Variants in MOV10L1 observed in about 807,000 individuals in gnomAD.
MOV10L1 encodes the protein RNA helicase Mov10l1.
A neutral mutation model predicts 143.8 loss-of-function variants in MOV10L1; 110 were observed. The observed-to-expected ratio is 0.76, with a 90% confidence interval of 0.66 to 0.90. MOV10L1 has a LOEUF of 0.90. Among genes scored for constraint, MOV10L1 ranks in the 40% least tolerant of loss-of-function variants. MOV10L1 has a pLI of 0.00. For missense variants in MOV10L1, 1,406 were observed against 1,526.8 expected, an observed-to-expected ratio of 0.92 and a Z score of 1.32; for synonymous variants, 593 against 581.1, an observed-to-expected ratio of 1.02 and a Z score of -0.29.
intron 19 of MOV10L1, among the ~76,000 whole-genome samples, chr22:50,148,457 C>T (rs577934762): frequency 7.9e-5 from 12 of 152,260 alleles, no homozygotes; most frequent in Non-Finnish European, 1.6e-4. Context: ...CCTGACGACT[C>T]CTTCCCGCAA....
rs397867977 is a variant in MOV10L1 at position 50,116,660 on chromosome 22, C to CTTT, written c.1260-476_1260-474dup. Among the ~76,000 whole-genome samples, 299 of 104,084 alleles carry CTTT rather than the reference C, an allele frequency of 2.9e-3. 9 individuals carry two copies. Among genetic ancestry groups the CTTT allele is most frequent in the Middle Eastern group, 6.9e-3 (1 of 144 alleles). The allele number at this position is 104,084 out of a possible 152,430, so 68.3% of individuals were successfully genotyped here. ...CAAAAAAGACTATTGTAGATGCTTA[C>CTTT]TTTTTTTTTTTTTTTTTTTTTTTGA... On this transcript the variant is annotated intron_variant, in intron 8 of 26. Coordinates refer to ENST00000262794, the MANE Select transcript of MOV10L1 (RefSeq NM_018995.3).
In MOV10L1 at chr22:50,112,756, C is replaced by T. The variant is rs533662529; in HGVS notation, c.744-892C>T. 1.1e-4 allele frequency among the ~76,000 whole-genome samples: 16 copies of T among 152,314 alleles called. No homozygotes were observed. In the South Asian group the frequency reaches 2.9e-3, roughly 28 times the overall value. On this transcript the variant is annotated intron_variant, in intron 5 of 26. Coordinates refer to ENST00000262794, the MANE Select transcript of MOV10L1 (RefSeq NM_018995.3). ...TCTCCACTCAGCCCCACAGCCTTCC[C>T]GTGGCAAGAGCTCCGCAGCTTCTCC... is the stretch of plus-strand genomic sequence containing the variant.
At chr22:50,115,994 C>G (rs1184825748) in intron 8 of MOV10L1, among the ~76,000 whole-genome samples, 1 of 152,180 alleles carries the variant, frequency 6.6e-6, no homozygotes, top group East Asian at 1.9e-4. Flanking sequence ...ATCAGCTGAC[C>G]AAACAGGCCC....
chr22:50,153,322 A>G lies in MOV10L1; in HGVS notation c.3066+104A>G, dbSNP rs538189764. The stretch of plus-strand genomic sequence containing the variant: ...CTCTGTCACCTGCCTGTGGCGGGGC[A>G]GATGTTCTGCTGGTCTCCAGAGAGT... On this transcript the variant is annotated intron_variant, in intron 22 of 26. Coordinates refer to ENST00000262794, the MANE Select transcript of MOV10L1 (RefSeq NM_018995.3). 4.2e-5 allele frequency: 57 copies of G among 1,345,350 alleles called. No homozygotes were observed. The East Asian group carries it at 1.2e-3, about 29-fold the overall frequency. 83.3% of individuals were successfully genotyped at this position (1,345,350 alleles called of 1,614,324 possible).
At chr22:50,105,975 C>T (rs1182012627) in intron 3 of MOV10L1, among the ~76,000 whole-genome samples, 1 of 152,220 alleles carries the variant, frequency 6.6e-6, no homozygotes, top group African/African-American at 2.4e-5. Flanking sequence ...TCTCAGCTTC[C>T]TGACCTGCAG....
chr22:50,125,321 G>T, intron 10 of MOV10L1, 71 bp from the exon 11 acceptor site: 2 of 1,481,674 alleles, frequency 1.3e-6, no homozygotes, highest in Non-Finnish European at 1.9e-6. Context: ...GAACTTTCCT[G>T]CTCCGGAGCT....
Position 50,116,855 on chromosome 22 carries a change from T to C in MOV10L1, c.1260-302T>C, listed in dbSNP as rs2062194051. ...ATTTTTTGCAGAGACAGGTTCATCC[T>C]ATATTGCCCAGGCTGGTCTCAAACT... On this transcript the variant is annotated intron_variant, in intron 8 of 26. Transcript: ENST00000262794. Among the ~76,000 whole-genome samples the C allele has an allele frequency of 2.0e-5, 3 of 151,966 alleles. No individual in the cohort carries two copies. In the South Asian group the frequency reaches 6.2e-4, roughly 32 times the overall value.
In MOV10L1 at chr22:50,150,906, C is replaced by T. The variant is rs761447229; in HGVS notation, c.2892+7C>T. Reference sequence around the variant, plus strand: ...CGCACATAATCCCCTGTTGGTGAGTCACAGACTCCAGCGCGTTCAGGTCCC... The same window carrying T: ...CGCACATAATCCCCTGTTGGTGAGTTACAGACTCCAGCGCGTTCAGGTCCC... On this transcript the variant is annotated splice_region_variant and intron_variant, in intron 21 of 26. Transcript: ENST00000262794. The T allele has an allele frequency of 1.9e-6, 3 of 1,614,044 alleles. No individual in the cohort carries two copies. The highest frequency in any genetic ancestry group is 1.1e-5 in the South Asian group (1 of 91,046).
At position 50,153,045 on chromosome 22, in the gene MOV10L1, G is replaced by A. The variant is rs2063339237; in HGVS notation, c.2893G>A (p.Val965Ile). The A allele has an allele frequency of 6.2e-7, 1 of 1,600,518 alleles. No individual in the cohort carries two copies. Among genetic ancestry groups the A allele is most frequent in the African/African-American group, 1.3e-5 (1 of 74,774 alleles). ...GACGAHNPLLVTKLVKNYRSH... is the reference protein window; with the variant it reads ...GACGAHNPLLITKLVKNYRSH... ...GTGACCCATCACCATCTCCTCGCAGGTCACAAAGCTGGTGAAGAACTACCG... is the reference window on the plus strand; with the variant it reads ...GTGACCCATCACCATCTCCTCGCAGATCACAAAGCTGGTGAAGAACTACCG... The change falls in exon 22 of 27, where the codon GTC becomes ATC. Residue 965 changes from valine (V) to isoleucine (I), a missense_variant and splice_region_variant. By Grantham distance (29) the Val-to-Ile change is conservative. Coordinates refer to ENST00000262794, the MANE Select transcript of MOV10L1 (RefSeq NM_018995.3).
intron 13 of MOV10L1, among the ~76,000 whole-genome samples, chr22:50,130,918 A>T (rs909635756): frequency 1.3e-5 from 2 of 151,898 alleles, no homozygotes; most frequent in Non-Finnish European, 2.9e-5. Context: ...TTTTTTTGAG[A>T]CGGAGTCTCG....
rs71751232 is a variant in MOV10L1, at chr22:50,128,845, C to CT, written c.1910+351dup. On this transcript the variant is annotated intron_variant, in intron 13 of 26. Coordinates refer to ENST00000262794, the MANE Select transcript of MOV10L1 (RefSeq NM_018995.3). The stretch of plus-strand genomic sequence containing the variant: ...GGCGTGAGTCACCACGCCCGGCCAT[C>CT]TTTTTTTTTTTTTAATAGAGATGGG... Among the ~76,000 whole-genome samples, 892 of 141,598 alleles carry CT rather than the reference C, an allele frequency of 6.3e-3. 7 individuals are homozygous for CT. The highest frequency in any genetic ancestry group is 0.023 in the East Asian group (113 of 4,876). The allele number at this position is 141,598 out of a possible 152,430, so 92.9% of individuals were successfully genotyped here.
intron 22 of MOV10L1, among the ~76,000 whole-genome samples, chr22:50,154,627 G>A (rs2063380684): frequency 6.6e-6 from 1 of 152,118 alleles, no homozygotes; most frequent in African/African-American, 2.4e-5. Flanking sequence ...GCAGCTCTGT[G>A]TCCTGGCCTA....
chr22:50,161,077 C>T (rs773810874), intron 26 of MOV10L1, 22 bp downstream of exon 26: 14 of 1,605,926 alleles, frequency 8.7e-6, no homozygotes. Flanking sequence ...TGCTGTCTTC[C>T]TCAAAGACAG....
At chr22:50,117,380 T>C (rs1426842420) in intron 9 of MOV10L1, 29 bp downstream of exon 9, 1 of 1,605,236 alleles carries the variant, frequency 6.2e-7, no homozygotes, top group South Asian at 1.1e-5. Context: ...GTGTGGCTCT[T>C]GGTCTGGCAG....
Position 50,152,509 on chromosome 22 carries a change from G to A in MOV10L1, c.2893-536G>A, listed in dbSNP as rs1157649060. Among the ~76,000 whole-genome samples the A allele has an allele frequency of 3.3e-5, 5 of 152,192 alleles. No homozygotes were observed. The highest frequency in any genetic ancestry group is 3.3e-4 in the Admixed American group (5 of 15,290). Reference sequence around the variant, plus strand: ...GACAGTAAAGGTGTCCCATGTACTGGTGATATCACAGTCACCCTCAGCCGC... The same window carrying A: ...GACAGTAAAGGTGTCCCATGTACTGATGATATCACAGTCACCCTCAGCCGC... On this transcript the variant is annotated intron_variant, in intron 21 of 26. Coordinates refer to ENST00000262794, the MANE Select transcript of MOV10L1 (RefSeq NM_018995.3). The surrounding 1 kb of genome is among the most constrained non-coding windows in gnomAD (Gnocchi z 4.4).
intron 2 of MOV10L1, 37 bp downstream of exon 2, chr22:50,092,222 G>T (rs738490): frequency 1.3e-6 from 2 of 1,576,426 alleles, no homozygotes. Context: ...GTTTTTCTTC[G>T]CCACGGGACT....
chr22:50,144,113 CG>C lies in MOV10L1; in HGVS notation c.2377del (p.Asp793ThrfsTer5). ...TTGATGAAGGTACACTTTGCCTTGC[CG>C]GACAGTCGGATTTTAGTCTGTGCGC... ...EAVLQVHFALPDSRILVCAPS... is the reference protein window; with the variant it reads ...EAVLQVHFALXDSRILVCAPS... On this transcript the variant is annotated frameshift_variant, in exon 18 of 27. Coordinates refer to ENST00000262794, the MANE Select transcript of MOV10L1 (RefSeq NM_018995.3). LOFTEE classifies it high-confidence loss of function. 1 of 1,609,816 alleles carries C rather than the reference CG, an allele frequency of 6.2e-7. No homozygotes were observed. The highest frequency in any genetic ancestry group is 1.1e-5 in the South Asian group (1 of 90,958).
chr22:50,128,162 A>G (rs1448212098), intron 12 of MOV10L1, among the ~76,000 whole-genome samples: 1 of 152,202 alleles, frequency 6.6e-6, no homozygotes, highest in African/African-American at 2.4e-5. Flanking sequence ...GTGACCTCCC[A>G]CACATTCTCT....
intron 22 of MOV10L1, among the ~76,000 whole-genome samples, chr22:50,153,984 T>C (rs1324217628): frequency 6.6e-6 from 1 of 152,212 alleles, no homozygotes; most frequent in African/African-American, 2.4e-5. Context: ...TTGGGGCCTC[T>C]GCATTCCATG....
Sources: allele counts gnomAD v4.1 joint callset (sites outside exome capture counted in the v4.1 genomes callset), GRCh38; gene constraint gnomAD v4.1.1; non-coding constraint Gnocchi (gnomAD v3.1); transcripts MANE v1.5; gene names NCBI Gene and HGNC (gene_info 2026-07-23, HGNC 2026-07-21).